TFEC: variants seen among roughly 807,000 people sequenced by gnomAD.
TFEC encodes the protein transcription factor EC.
A neutral mutation model predicts 41.6 loss-of-function variants in TFEC; 31 were observed. The observed-to-expected ratio is 0.74, with a 90% CI of 0.56 to 1.01. The LOEUF is 1.01. Among genes scored for constraint, TFEC ranks in the 50% least tolerant of loss-of-function variants. TFEC has a pLI of 0.00. For synonymous variants in TFEC, 143 were observed against 140.6 expected, an observed-to-expected ratio of 1.02 and a Z score of -0.12; for missense variants, 402 against 404.1, an observed-to-expected ratio of 0.99 and a Z score of 0.04.
chr7:116,153,365 T>C (rs1178184527), intron 1 of TFEC, among the ~76,000 whole-genome samples: 2 of 152,248 alleles, frequency 1.3e-5, no homozygotes, highest in Non-Finnish European at 2.9e-5. Context: ...GGGATTCTCC[T>C]GCCTCCGCTT....
chr7:115,940,322 T>C lies in TFEC; in HGVS notation c.*229A>G. ...TCAGGAAAACAGAATTTAAGTGGAT[T>C]TGGACTCCGTAGTCAAAGAAGAAAA... On this transcript the variant is annotated 3_prime_UTR_variant, in exon 8 of 8. Coordinates refer to ENST00000265440, the MANE Select transcript of TFEC (RefSeq NM_012252.4). 1 of 436,250 alleles carries C rather than the reference T, an allele frequency of 2.3e-6. No homozygotes were observed. 27.0% of individuals were successfully genotyped at this position (436,250 alleles called of 1,614,324 possible).
intron 1 of TFEC, among the ~76,000 whole-genome samples, chr7:116,131,622 G>C (rs978743147): frequency 1.3e-5 from 2 of 151,968 alleles, no homozygotes; most frequent in African/African-American, 4.8e-5. Flanking sequence ...TAAAGTAATG[G>C]TTTTAATTAG....
chr7:115,944,349 C>T (rs927630805), intron 6 of TFEC, among the ~76,000 whole-genome samples: 7 of 151,436 alleles, frequency 4.6e-5, no homozygotes, highest in Admixed American at 2.6e-4. Context: ...GTTGTAGAAG[C>T]TCTTCACTCT....
intron 1 of TFEC, among the ~76,000 whole-genome samples, chr7:116,155,224 C>G (rs923362009): frequency 1.3e-5 from 2 of 152,158 alleles, no homozygotes; most frequent in African/African-American, 4.8e-5. Flanking sequence ...CTAATCGATT[C>G]TGAGGAATTA....
At chr7:115,998,002 A>G (rs1049713836) in intron 1 of TFEC, among the ~76,000 whole-genome samples, 3 of 152,166 alleles carry the variant, frequency 2.0e-5, no homozygotes, top group Non-Finnish European at 2.9e-5. Context: ...TTGGCCTTAA[A>G]GAGGAGGTAG....
intron 3 of TFEC, among the ~76,000 whole-genome samples, chr7:116,051,074 G>A (rs939566291): frequency 5.3e-5 from 8 of 152,038 alleles, no homozygotes; most frequent in African/African-American, 9.7e-5. Flanking sequence ...GCATGTCCTC[G>A]CTCATAGGTG....
At position 115,944,013 on chromosome 7, in the gene TFEC, A is replaced by ATTTTTTTTTTT. The variant is rs1160114562; in HGVS notation, c.516-1984_516-1974dup. ...GAAAATAATACTATGACAGGTCTGA[A>ATTTTTTTTTTT]TTTTTTTTTTTTTTTTTTTTTTTTT... On this transcript the variant is annotated intron_variant, in intron 6 of 7. Transcript: ENST00000265440. Among the ~76,000 whole-genome samples the ATTTTTTTTTTT allele has an allele frequency of 1.5e-3, 34 of 22,830 alleles. 9 individuals are homozygous for ATTTTTTTTTTT. Among genetic ancestry groups the ATTTTTTTTTTT allele is most frequent in the African/African-American group, 2.4e-3 (19 of 8,038 alleles). 15.0% of individuals were successfully genotyped at this position (22,830 alleles called of 152,430 possible).
chr7:116,159,630 T>A (rs959065829), intron 1 of TFEC, among the ~76,000 whole-genome samples: 5 of 152,144 alleles, frequency 3.3e-5, no homozygotes, highest in African/African-American at 1.2e-4. Flanking sequence ...GCATTAAAAG[T>A]TTTATCTATT....
rs535735355 is a variant in TFEC at position 115,980,856 on chromosome 7, G to A, written c.180+3406C>T. Among the ~76,000 whole-genome samples, 280 of 151,988 alleles carry A rather than the reference G, an allele frequency of 1.8e-3. 1 individual carries two copies. The highest frequency in any genetic ancestry group is 0.014 in the Middle Eastern group (4 of 294). ...AAAAAATTAATTTAAAATACCACCT[G>A]ACATAAAGACTAAATGAATACTCTC... On this transcript the variant is annotated intron_variant, in intron 2 of 7. Transcript: ENST00000265440.
At chr7:116,019,353 A>T (rs1234403501) in intron 1 of TFEC, among the ~76,000 whole-genome samples, 2 of 152,194 alleles carry the variant, frequency 1.3e-5, no homozygotes, top group East Asian at 3.8e-4. Context: ...TTTATTGGTA[A>T]ACTTGTCTAC....
intron 1 of TFEC, among the ~76,000 whole-genome samples, chr7:116,149,124 G>GA (rs1390300824): frequency 6.6e-6 from 1 of 151,934 alleles, no homozygotes; most frequent in South Asian, 2.1e-4. Flanking sequence ...AAAGAAGGAT[G>GA]AAAAAATAAT....
chr7:116,046,408 G>A (rs1012113498), intron 3 of TFEC, among the ~76,000 whole-genome samples: 1 of 152,116 alleles, frequency 6.6e-6, no homozygotes, highest in East Asian at 1.9e-4. Flanking sequence ...GATCTGATGG[G>A]TTTATCAGAG....
chr7:116,120,565 T>C (rs1360624758), intron 1 of TFEC: 1 of 152,014 alleles, frequency 6.6e-6, no homozygotes, highest in African/African-American at 2.4e-5. Flanking sequence ...CAGTCTGTGA[T>C]AGAGACTGCA....
At chr7:116,134,248 C>A (rs1798392362) in intron 1 of TFEC, among the ~76,000 whole-genome samples, 1 of 152,108 alleles carries the variant, frequency 6.6e-6, no homozygotes, top group African/African-American at 2.4e-5. Context: ...AGTTGAAAAG[C>A]TGTGAAACTA....
chr7:115,989,159 C>T (rs763047194), intron 1 of TFEC, among the ~76,000 whole-genome samples: 57 of 152,244 alleles, frequency 3.7e-4, no homozygotes, highest in Non-Finnish European at 7.4e-4. Context: ...GTCAGACCTA[C>T]ATAGAGAGAC....
intron 3 of TFEC, among the ~76,000 whole-genome samples, chr7:116,077,793 C>T (rs1796994801): frequency 6.6e-6 from 1 of 151,906 alleles, no homozygotes; most frequent in East Asian, 1.9e-4. Flanking sequence ...ACTGCTAGAC[C>T]TAAGAAATGA....
chr7:116,069,089 A>T (rs553056919), intron 3 of TFEC, among the ~76,000 whole-genome samples: 4 of 151,856 alleles, frequency 2.6e-5, no homozygotes, highest in African/African-American at 9.6e-5. Flanking sequence ...TGTCATATAT[A>T]GAAAGAGTGA....
chr7:116,036,660 T>C (rs1795918636), intron 3 of TFEC, among the ~76,000 whole-genome samples: 1 of 152,076 alleles, frequency 6.6e-6, no homozygotes, highest in African/African-American at 2.4e-5. Flanking sequence ...AGGCAGTAGG[T>C]ATACAAAGCT....
Position 115,959,171 on chromosome 7 carries a change from G to T in TFEC, c.268-2378C>A, listed in dbSNP as rs1426815426. 2.0e-5 allele frequency among the ~76,000 whole-genome samples: 3 copies of T among 151,504 alleles called. No homozygotes were observed. In the Admixed American group the frequency reaches 2.0e-4, roughly 10 times the overall value. On this transcript the variant is annotated intron_variant, in intron 3 of 7. Coordinates refer to ENST00000265440, the MANE Select transcript of TFEC (RefSeq NM_012252.4). The stretch of plus-strand genomic sequence containing the variant: ...AAGCAAAATCTTTGATGTGACAATA[G>T]GCAAACATTATTATTAACAAAAAAT...
Sources: gnomAD v4.1 joint callset for allele counts (sites outside exome capture counted in the v4.1 genomes callset) on GRCh38, gnomAD v4.1.1 for gene constraint, MANE v1.5 for transcripts, NCBI Gene and HGNC (gene_info 2026-07-23, HGNC 2026-07-21) for gene names.